The following PPP1R12A variants were observed in gnomAD, a reference collection of about 807,000 sequenced individuals.
PPP1R12A encodes myosin binding subunit.
PPP1R12A carries 19 observed loss-of-function variants against 139.6 expected under a neutral mutation model. That is an observed-to-expected ratio of 0.14 (90% CI 0.09 to 0.20). The LOEUF (loss-of-function observed/expected upper bound fraction) is 0.20. Among genes scored for constraint, PPP1R12A ranks in the 10% least tolerant of loss-of-function variants. The pLI is 1.00. For missense variants in PPP1R12A, 925 were observed against 1,211.5 expected (o/e 0.76, Z 3.51); for synonymous variants, 427 against 420.6 (o/e 1.02, Z -0.19).
chr12:79,803,330 T>C (rs1248190114), intron 14 of PPP1R12A, among the ~76,000 whole-genome samples: 2 of 152,182 alleles, frequency 1.3e-5, no homozygotes, highest in Non-Finnish European at 2.9e-5. Context: ...GTACTTTTAA[T>C]TGCAAAGAGC....
chr12:79,845,626 G>T (rs1221633436), intron 2 of PPP1R12A, among the ~76,000 whole-genome samples: 1 of 152,102 alleles, frequency 6.6e-6, no homozygotes, highest in African/African-American at 2.4e-5. Context: ...GGCGGATCAC[G>T]AGGTCAGATC....
intron 23 of PPP1R12A, chr12:79,778,894 C>T (rs753496095): frequency 1.2e-5 from 3 of 242,988 alleles, no homozygotes; most frequent in Non-Finnish European, 2.4e-5. Context: ...TGAATCAATA[C>T]TCAAGACTGA....
intron 2 of PPP1R12A, among the ~76,000 whole-genome samples, chr12:79,855,230 C>T (rs537659373): frequency 2.7e-4 from 41 of 152,118 alleles, no homozygotes; most frequent in East Asian, 1.9e-3. Flanking sequence ...CCTCGTGATC[C>T]GCCCGCCTCA....
intron 9 of PPP1R12A, among the ~76,000 whole-genome samples, chr12:79,811,568 C>T (rs973795331): frequency 1.3e-5 from 2 of 152,120 alleles, no homozygotes; most frequent in African/African-American, 2.4e-5. Flanking sequence ...AGAAAGTTTG[C>T]GAACTCTAAT....
intron 1 of PPP1R12A, among the ~76,000 whole-genome samples, chr12:79,909,078 G>A (rs1417810190): frequency 1.3e-5 from 2 of 152,166 alleles, no homozygotes; most frequent in Non-Finnish European, 2.9e-5. Context: ...AAGTAGTCCA[G>A]AGGCACTATG....
intron 1 of PPP1R12A, among the ~76,000 whole-genome samples, chr12:79,896,074 A>G (rs1201471157): frequency 6.6e-6 from 1 of 152,140 alleles, no homozygotes; most frequent in African/African-American, 2.4e-5. Flanking sequence ...CATAAAGTAC[A>G]AGAAACAAAA....
At chr12:79,831,875 T>A (rs1251794894) in intron 4 of PPP1R12A, among the ~76,000 whole-genome samples, 1 of 152,202 alleles carries the variant, frequency 6.6e-6, no homozygotes, top group Non-Finnish European at 1.5e-5. Context: ...CTAATAGTAC[T>A]AAGTTCCAGT....
At chr12:79,794,651 T>A (rs1285029658) in intron 18 of PPP1R12A, among the ~76,000 whole-genome samples, 5 of 151,892 alleles carry the variant, frequency 3.3e-5, no homozygotes, top group African/African-American at 4.8e-5. Context: ...AGGAAGCTTT[T>A]CAAAAAAGCA....
At chr12:79,856,440 A>C (rs1880665209) in intron 2 of PPP1R12A, among the ~76,000 whole-genome samples, 1 of 152,266 alleles carries the variant, frequency 6.6e-6, no homozygotes, top group African/African-American at 2.4e-5. Context: ...TAATCATACA[A>C]GACATAAATG....
intron 1 of PPP1R12A, among the ~76,000 whole-genome samples, chr12:79,923,116 A>C (rs1887572049): frequency 6.6e-6 from 1 of 152,058 alleles, no homozygotes; most frequent in Non-Finnish European, 1.5e-5. Flanking sequence ...CTTTACTAAA[A>C]TACAAAAATT....
intron 1 of PPP1R12A, among the ~76,000 whole-genome samples, chr12:79,932,093 T>C (rs1463949187): frequency 6.6e-6 from 1 of 152,166 alleles, no homozygotes; most frequent in Admixed American, 6.5e-5. Context: ...AACCAGAAAG[T>C]AAATGAATAT....
At chr12:79,785,495 A>G (rs1198835399) in intron 22 of PPP1R12A, among the ~76,000 whole-genome samples, 1 of 152,202 alleles carries the variant, frequency 6.6e-6, no homozygotes, top group Admixed American at 6.5e-5. Context: ...GTAAAGACTG[A>G]CCAAAAAAAG....
chr12:79,908,403 T>C lies in PPP1R12A; in HGVS notation c.237+26292A>G, dbSNP rs529093767. ...TAATAATAGAAGACCCAAATGCCTTTGAATTTTTTGCTGAAACTAGGAACT... is the reference window on the plus strand; with the variant it reads ...TAATAATAGAAGACCCAAATGCCTTCGAATTTTTTGCTGAAACTAGGAACT... On this transcript the variant is annotated intron_variant, in intron 1 of 24. Transcript: ENST00000450142. Among the ~76,000 whole-genome samples the C allele has an allele frequency of 3.3e-5, 5 of 152,232 alleles. No individual in the cohort carries two copies. The South Asian group carries it at 6.2e-4, about 19-fold the overall frequency.
Position 79,779,207 on chromosome 12 carries a change from A to T in PPP1R12A, c.2956-607T>A, listed in dbSNP as rs1592598587. 4 of 829,592 alleles carry T rather than the reference A, an allele frequency of 4.8e-6. No homozygotes were observed. In the East Asian group the frequency reaches 2.5e-4, roughly 53 times the overall value. 51.4% of individuals were successfully genotyped at this position (829,592 alleles called of 1,614,324 possible). On this transcript the variant is annotated intron_variant, in intron 23 of 24. Transcript: ENST00000450142. ...AGAGTGACAGGCAAAGCCAACACAC[A>T]ACACATTATTGCAGTGTACTGTTTT...
intron 3 of PPP1R12A, among the ~76,000 whole-genome samples, chr12:79,835,618 C>T (rs1025349038): frequency 2.6e-5 from 4 of 152,194 alleles, no homozygotes; most frequent in Non-Finnish European, 5.9e-5. Context: ...TAATTCATCC[C>T]TCAATCTACT....
At chr12:79,892,204 TA>T in intron 1 of PPP1R12A, among the ~76,000 whole-genome samples, 1 of 152,308 alleles carries the variant, frequency 6.6e-6, no homozygotes, top group East Asian at 1.9e-4. Flanking sequence ...TCACCCTTCT[TA>T]AATGTCATCA....
rs3789991 is a variant in PPP1R12A, at chr12:79,792,605, G to A, written c.2649+1258C>T. Among the ~76,000 whole-genome samples, 7 of 152,014 alleles carry A rather than the reference G, an allele frequency of 4.6e-5. No homozygotes were observed. The East Asian group carries it at 1.2e-3, about 25-fold the overall frequency. On this transcript the variant is annotated intron_variant, in intron 19 of 24. Coordinates refer to ENST00000450142, the MANE Select transcript of PPP1R12A (RefSeq NM_002480.3). ...AAACAATGTTCCTCTTCATCTTAAC[G>A]TATCTCATATGATTTTAACAGTAAA...
chr12:79,903,563 A>G (rs1050927793), intron 1 of PPP1R12A, among the ~76,000 whole-genome samples: 2 of 152,202 alleles, frequency 1.3e-5, no homozygotes, highest in Non-Finnish European at 2.9e-5. Flanking sequence ...ATACCTCATT[A>G]AATACATGCA....
chr12:79,873,376 G>GTGA (rs1882764846), intron 1 of PPP1R12A, among the ~76,000 whole-genome samples: 1 of 151,612 alleles, frequency 6.6e-6, no homozygotes, highest in Admixed American at 6.6e-5. Flanking sequence ...ACATGTACAC[G>GTGA]TGATGGTATA....
Sources: allele counts gnomAD v4.1 joint callset (sites outside exome capture counted in the v4.1 genomes callset), GRCh38; gene constraint gnomAD v4.1.1; transcripts MANE v1.5; gene names NCBI Gene and HGNC (gene_info 2026-07-23, HGNC 2026-07-21).